The following FMN1 variants were observed in gnomAD, a reference collection of about 807,000 sequenced individuals.
FMN1 encodes the protein formin 1, also known as formin-1.
A neutral mutation model predicts 132.4 loss-of-function variants in FMN1; 110 were observed. The observed-to-expected ratio is 0.83, with a 90% CI of 0.71 to 0.97. FMN1 has a LOEUF of 0.97. Among genes scored for constraint, FMN1 ranks in the 50% least tolerant of loss-of-function variants. The probability of loss-of-function intolerance (pLI) is 0.00; values close to 1 mark genes in which losing one functional copy is unlikely to be tolerated. For missense variants in FMN1, 1,792 were observed against 1,705.3 expected, an observed-to-expected ratio of 1.05 and a Z score of -0.90; for synonymous variants, 722 against 651.7, an observed-to-expected ratio of 1.11 and a Z score of -1.64.
Position 32,898,795 on chromosome 15 carries a change from G to GT in FMN1, c.3714+38dup, listed in dbSNP as rs761070473. The GT allele has an allele frequency of 6.9e-6, 9 of 1,311,642 alleles. No individual in the cohort carries two copies. The Admixed American group carries it at 1.6e-4, about 23-fold the overall frequency. 81.3% of individuals were successfully genotyped at this position (1,311,642 alleles called of 1,614,324 possible). A position where few individuals can be genotyped will look rare whatever the true frequency, so the allele number is the denominator to read the frequency against. On this transcript the variant is annotated intron_variant, in intron 15 of 20. Transcript: ENST00000616417. ...TCCAACTTATGAATGTCAACAATGA[G>GT]TAAGAGGTGAAACTTTTCCACGTAA...
At chr15:32,884,899 G>C (rs2059858276) in intron 16 of FMN1, among the ~76,000 whole-genome samples, 1 of 152,206 alleles carries the variant, frequency 6.6e-6, no homozygotes. Flanking sequence ...TGGCCTCTCA[G>C]CAACACCGGC....
intron 5 of FMN1, among the ~76,000 whole-genome samples, chr15:33,076,037 T>A (rs551070543): frequency 2.0e-4 from 30 of 152,232 alleles, no homozygotes; most frequent in African/African-American, 7.0e-4. Flanking sequence ...CCTCTAGAAA[T>A]GGATTTAATA....
chr15:32,911,843 G>C (rs72719312), intron 10 of FMN1, among the ~76,000 whole-genome samples: 51,186 of 151,574 alleles, frequency 0.34, 8,961 homozygotes, highest in African/African-American at 0.37. Flanking sequence ...TGTGAAACCA[G>C]TAAAGAAAAA....
chr15:32,989,495 G>A (rs28380562), intron 7 of FMN1, among the ~76,000 whole-genome samples: 2,101 of 152,134 alleles, frequency 0.014, 41 homozygotes, highest in African/African-American at 0.048. Flanking sequence ...GGGAAATAGC[G>A]GAAGAGAAAA....
intron 4 of FMN1, 118 bp downstream of exon 4, chr15:33,152,926 GAAGT>G: frequency 1.0e-6 from 1 of 973,622 alleles, no homozygotes; most frequent in Non-Finnish European, 1.5e-6. Flanking sequence ...GCTACAAAGT[GAAGT>G]AATAGGCCTA....
rs763959564 is a variant in FMN1 at position 33,153,392 on chromosome 15, G to A, written c.1523C>T (p.Ala508Val). The A allele has an allele frequency of 5.2e-6, 8 of 1,536,656 alleles. No individual in the cohort carries two copies. Among genetic ancestry groups the A allele is most frequent in the African/African-American group, 1.4e-5 (1 of 73,164 alleles). Reference protein sequence around the residue: ...AALGKVFNNSASQSSTHKQTS... With the variant: ...AALGKVFNNSVSQSSTHKQTS... ...CTGTTTGTGTGTGCTGGACTGCGAG[G>A]CTGAATTATTAAACACCTTGCCAAG... Residue 508 changes from alanine (A) to valine (V), a missense_variant, in exon 4 of 21, where the codon GCC becomes GTC. Ala to Val is a moderately conservative substitution (Grantham distance 64). Transcript: ENST00000616417.
At chr15:33,122,601 C>T (rs1210198354) in intron 4 of FMN1, among the ~76,000 whole-genome samples, 1 of 152,196 alleles carries the variant, frequency 6.6e-6, no homozygotes, top group African/African-American at 2.4e-5. Flanking sequence ...CTAGCTAATG[C>T]AGCAGTAATA....
chr15:32,980,642 C>A (rs2032579407), intron 7 of FMN1, among the ~76,000 whole-genome samples: 1 of 152,144 alleles, frequency 6.6e-6, no homozygotes, highest in African/African-American at 2.4e-5. Flanking sequence ...CTTTGGAATA[C>A]CAAATTTTCT....
At chr15:32,929,690 T>C (rs573787057) in intron 9 of FMN1, among the ~76,000 whole-genome samples, 74 of 152,334 alleles carry the variant, frequency 4.9e-4, no homozygotes, top group African/African-American at 1.7e-3. Flanking sequence ...AGCATTTATC[T>C]TTTTGTGACT....
In FMN1 at chr15:32,888,192, T is replaced by C. The variant is rs774764504; in HGVS notation, c.3815A>G (p.Lys1272Arg). 1.9e-6 allele frequency: 3 copies of C among 1,610,824 alleles called. No individual in the cohort carries two copies. The highest frequency in any genetic ancestry group is 2.5e-6 in the Non-Finnish European group (3 of 1,178,896). ...ATTACCTTCTAGTTGCCTCTTCAGT[T>C]TTCTCAAATCTTTTATGAGGTCTTC... ...KFEDLIKDLR[K>R]LKRQLEASEK... The change falls in exon 16 of 21, where the codon AAA becomes AGA. Residue 1272 changes from lysine to arginine, a missense_variant. Around this residue, in one of 3 missense-constraint regions of FMN1, gnomAD observed 1,150 missense variants for 1,043.1 expected, o/e 1.10. Transcript: ENST00000616417.
At chr15:32,886,554 T>C (rs1463874927) in intron 16 of FMN1, among the ~76,000 whole-genome samples, 1 of 152,138 alleles carries the variant, frequency 6.6e-6, no homozygotes, top group Non-Finnish European at 1.5e-5. Context: ...CCTCTTATCC[T>C]CTTGCTATTT....
At position 33,125,728 on chromosome 15, in the gene FMN1, G is replaced by GA. The variant is rs1286015121; in HGVS notation, c.1867+27319dup. Among the ~76,000 whole-genome samples the GA allele has an allele frequency of 2.0e-5, 3 of 149,326 alleles. No homozygotes were observed. In the East Asian group the frequency reaches 5.9e-4, roughly 29 times the overall value. On this transcript the variant is annotated intron_variant, in intron 4 of 20. Coordinates refer to ENST00000616417, the MANE Select transcript of FMN1 (RefSeq NM_001277313.2). ...TCAAAAAAAAAAAAAAATTAAGAAT[G>GA]AAGTCTGTTAAATGGCCAACTTTGT...
chr15:32,802,262 A>G (rs895324741), intron 18 of FMN1, among the ~76,000 whole-genome samples: 31 of 152,246 alleles, frequency 2.0e-4, no homozygotes, highest in African/African-American at 7.2e-4. Context: ...TTTAAAGTAC[A>G]GACAATGATT....
chr15:32,835,620 A>G (rs1377256765), intron 17 of FMN1, among the ~76,000 whole-genome samples: 2 of 151,870 alleles, frequency 1.3e-5, no homozygotes, highest in Admixed American at 1.3e-4. Context: ...AATAGATGTT[A>G]TGGGGTGATT....
rs5002280 is a variant in FMN1 at position 33,155,213 on chromosome 15, T to C, written c.-131-168A>G. Among the ~76,000 whole-genome samples the C allele has an allele frequency of 0.87, 132,625 of 152,154 alleles. 58,540 individuals are homozygous for C. The highest frequency in any genetic ancestry group is 0.95 in the African/African-American group (39,394 of 41,530). ...TTCAATCTCTTCCTCACTCCCACCC[T>C]ACTCCTGATCAGTAGAACTTTTGTA... On this transcript the variant is annotated intron_variant, in intron 3 of 20. Transcript: ENST00000616417.
intron 12 of FMN1, 135 bp from the exon 13 acceptor site, chr15:32,902,175 G>T: frequency 4.1e-6 from 3 of 723,530 alleles, no homozygotes; most frequent in Non-Finnish European, 6.5e-6. Flanking sequence ...CACATAGGTA[G>T]ACTCAAGGAA....
intron 5 of FMN1, among the ~76,000 whole-genome samples, chr15:33,078,263 T>C (rs947926320): frequency 6.6e-6 from 1 of 152,204 alleles, no homozygotes; most frequent in African/African-American, 2.4e-5. Flanking sequence ...GCTTGCTTGA[T>C]TCCCCACAGG....
intron 6 of FMN1, chr15:33,063,252 G>C (rs1429894823): frequency 1.3e-5 from 2 of 152,310 alleles, no homozygotes; most frequent in Admixed American, 6.5e-5. Context: ...GAATGACGAT[G>C]AGGGACCAGA....
intron 6 of FMN1, chr15:33,064,672 T>C: frequency 8.7e-6 from 2 of 229,970 alleles, no homozygotes; most frequent in South Asian, 1.9e-4. Flanking sequence ...ACCGGCTTCC[T>C]GAGGGATTTG....
Sources: gnomAD v4.1 joint callset for allele counts (sites outside exome capture counted in the v4.1 genomes callset) on GRCh38, gnomAD v4.1.1 for gene constraint, gnomAD v4.1.1 regional missense constraint, MANE v1.5 for transcripts, NCBI Gene and HGNC (gene_info 2026-07-23, HGNC 2026-07-21) for gene names.